The following HSD17B11 variants were observed in gnomAD, a reference collection of about 807,000 sequenced individuals.
The protein encoded by HSD17B11 is hydroxysteroid 17-beta dehydrogenase 11, also known as estradiol 17-beta-dehydrogenase 11.
HSD17B11 carries 22 observed loss-of-function variants against 27.8 expected under a neutral mutation model. The ratio of observed to expected loss-of-function variants is 0.79; its 90% CI spans 0.56 to 1.13. HSD17B11 has a LOEUF of 1.13. HSD17B11 is among the 50% of genes most tolerant of loss of function. HSD17B11 has a pLI of 0.00. For missense variants in HSD17B11, 314 were observed against 351.1 expected, an observed-to-expected ratio of 0.89 and a Z score of 0.84; for synonymous variants, 117 against 132.8, an observed-to-expected ratio of 0.88 and a Z score of 0.82.
chr4:87,389,378 A>C (rs1368510477), intron 1 of HSD17B11, among the ~76,000 whole-genome samples: 4 of 152,046 alleles, frequency 2.6e-5, no homozygotes, highest in African/African-American at 4.8e-5. Context: ...ACACGCCACC[A>C]CGCTCAACTA....
At chr4:87,363,809 C>T (rs549381390) in intron 4 of HSD17B11, among the ~76,000 whole-genome samples, 3 of 152,176 alleles carry the variant, frequency 2.0e-5, no homozygotes, top group African/African-American at 7.2e-5. Flanking sequence ...GTTCAATTCC[C>T]CACCCAGGAA....
intron 1 of HSD17B11, chr4:87,385,687 G>A (rs1303643290): frequency 6.6e-6 from 1 of 151,794 alleles, no homozygotes; most frequent in African/African-American, 2.4e-5. Context: ...AGGCTGAGGT[G>A]GGCAGATCAC....
intron 4 of HSD17B11, among the ~76,000 whole-genome samples, chr4:87,360,597 A>C (rs1248766165): frequency 6.6e-6 from 1 of 152,238 alleles, no homozygotes; most frequent in Non-Finnish European, 1.5e-5. Flanking sequence ...CTCTAGAACA[A>C]GAACGTTTGA....
At chr4:87,382,432 T>C (rs926723439) in intron 1 of HSD17B11, 70 bp from the exon 2 acceptor site, 4 of 941,164 alleles carry the variant, frequency 4.3e-6, no homozygotes, top group Admixed American at 2.1e-5. Flanking sequence ...CTGAAAATAA[T>C]TAAAAATAAT....
chr4:87,358,085 C>T lies in HSD17B11; in HGVS notation c.558-669G>A, dbSNP rs188494385. Among the ~76,000 whole-genome samples, 44 of 151,258 alleles carry T rather than the reference C, an allele frequency of 2.9e-4. No individual in the cohort carries two copies. In the East Asian group the frequency reaches 7.8e-3, roughly 27 times the overall value. ...CCCGCCATTCTCCTGCCTCAGCCTC[C>T]GCAGTAGCTGGGACTACAGGCGCCC... On this transcript the variant is annotated intron_variant, in intron 4 of 6. Coordinates refer to ENST00000358290, the MANE Select transcript of HSD17B11 (RefSeq NM_016245.5).
chr4:87,374,899 A>ATTTT, intron 2 of HSD17B11, 69 bp from the exon 3 acceptor site: 9 of 951,906 alleles, frequency 9.5e-6, no homozygotes, highest in Non-Finnish European at 8.8e-6. Context: ...CACAATGGCT[A>ATTTT]TTTTTTTTTT....
At chr4:87,378,013 G>A (rs987900927) in intron 2 of HSD17B11, among the ~76,000 whole-genome samples, 1 of 152,136 alleles carries the variant, frequency 6.6e-6, no homozygotes, top group African/African-American at 2.4e-5. Flanking sequence ...ATGGAGCTGG[G>A]ACTCTCCCAG....
At chr4:87,372,682 C>G (rs1213322219) in intron 4 of HSD17B11, 27 bp downstream of exon 4, 4 of 1,358,612 alleles carry the variant, frequency 2.9e-6, no homozygotes, top group Non-Finnish European at 3.2e-6. Flanking sequence ...GCATAAGAAC[C>G]AATGAAGGAA....
At chr4:87,380,620 A>T (rs1720128619) in intron 2 of HSD17B11, among the ~76,000 whole-genome samples, 1 of 151,406 alleles carries the variant, frequency 6.6e-6, no homozygotes, top group South Asian at 2.1e-4. Flanking sequence ...GCACTTTTGG[A>T]GGCCGAGGGA....
At chr4:87,339,781 C>A (rs1735130076) in intron 6 of HSD17B11, among the ~76,000 whole-genome samples, 1 of 152,192 alleles carries the variant, frequency 6.6e-6, no homozygotes, top group African/African-American at 2.4e-5. Context: ...ACACTCCAAA[C>A]CAAGTCAATC....
chr4:87,370,452 T>C (rs940936545), intron 4 of HSD17B11, among the ~76,000 whole-genome samples: 2 of 152,002 alleles, frequency 1.3e-5, no homozygotes, highest in African/African-American at 4.8e-5. Flanking sequence ...AGTCTCTCTC[T>C]GTTGCCAGGC....
intron 5 of HSD17B11, among the ~76,000 whole-genome samples, chr4:87,353,624 C>T (rs1735325252): frequency 6.6e-6 from 1 of 152,154 alleles, no homozygotes; most frequent in African/African-American, 2.4e-5. Context: ...ATCAGTGCAG[C>T]ATTTCTGGAG....
At chr4:87,384,645 C>T (rs531581702) in intron 1 of HSD17B11, among the ~76,000 whole-genome samples, 8 of 152,152 alleles carry the variant, frequency 5.3e-5, no homozygotes, top group African/African-American at 1.9e-4. Context: ...GACTGAGATA[C>T]GCCCTGGTCT....
At chr4:87,338,708 T>C (rs913387879) in intron 6 of HSD17B11, among the ~76,000 whole-genome samples, 17 of 152,110 alleles carry the variant, frequency 1.1e-4, no homozygotes, top group African/African-American at 2.7e-4. Flanking sequence ...GCTAATGTTT[T>C]TGATTTCTAG....
Position 87,378,895 on chromosome 4 carries a change from A to T in HSD17B11, c.318+3360T>A, listed in dbSNP as rs60064729. Among the ~76,000 whole-genome samples the T allele has an allele frequency of 9.3e-3, 78 of 8,356 alleles. 5 individuals are homozygous for T. Among genetic ancestry groups the T allele is most frequent in the African/African-American group, 0.02 (21 of 1,056 alleles). The allele number at this position is 8,356 out of a possible 152,430, so 5.5% of individuals were successfully genotyped here. A position where few individuals can be genotyped will look rare whatever the true frequency, so the allele number is the denominator to read the frequency against. On this transcript the variant is annotated intron_variant, in intron 2 of 6. Transcript: ENST00000358290. ...ATATATATATAAATATATATATATA[A>T]ATATATATAAATATATATATATAAA...
intron 3 of HSD17B11, 80 bp from the exon 4 acceptor site, chr4:87,372,895 G>A: frequency 1.1e-6 from 1 of 872,468 alleles, no homozygotes; most frequent in Non-Finnish European, 1.8e-6. Context: ...TGAAACAAAA[G>A]TATATTTTTT....
At chr4:87,343,336 G>A (rs1406268831) in intron 5 of HSD17B11, among the ~76,000 whole-genome samples, 4 of 152,126 alleles carry the variant, frequency 2.6e-5, no homozygotes, top group African/African-American at 7.2e-5. Context: ...GTTAACGAGA[G>A]TTACAAATCC....
At chr4:87,386,092 T>C (rs910291969) in intron 1 of HSD17B11, among the ~76,000 whole-genome samples, 3 of 152,142 alleles carry the variant, frequency 2.0e-5, no homozygotes, top group African/African-American at 2.4e-5. Flanking sequence ...ACCACTCCAC[T>C]ATATGGATGC....
At chr4:87,356,639 T>C (rs1735393128) in intron 5 of HSD17B11, among the ~76,000 whole-genome samples, 2 of 152,224 alleles carry the variant, frequency 1.3e-5, no homozygotes, top group Admixed American at 6.5e-5. Flanking sequence ...TTCATTAACA[T>C]TGGAATTTAA....
Sources: gnomAD v4.1 joint callset for allele counts (sites outside exome capture counted in the v4.1 genomes callset) on GRCh38, gnomAD v4.1.1 for gene constraint, MANE v1.5 for transcripts, NCBI Gene and HGNC (gene_info 2026-07-23, HGNC 2026-07-21) for gene names.